Variants in CBLL1 observed in about 807,000 individuals in gnomAD.
CBLL1 encodes the protein E3 ubiquitin-protein ligase Hakai.
CBLL1 carries 4 observed loss-of-function variants against 44.9 expected under a neutral mutation model. The ratio of observed to expected loss-of-function variants is 0.09; its 90% CI spans 0.04 to 0.20. The LOEUF (loss-of-function observed/expected upper bound fraction) is 0.20. CBLL1 is among the 10% of genes least tolerant of loss of function. The probability of loss-of-function intolerance (pLI) is 1.00; values close to 1 mark genes in which losing one functional copy is unlikely to be tolerated. For synonymous variants in CBLL1, 235 were observed against 202.2 expected (o/e 1.16, Z -1.38); for missense variants, 569 against 636.7 (o/e 0.89, Z 1.14).
In CBLL1 at chr7:107,759,620, C is replaced by G; in HGVS notation, c.*442C>G. 1 of 154,470 alleles carries G rather than the reference C, an allele frequency of 6.5e-6. No homozygotes were observed. The highest frequency in any genetic ancestry group is 1.4e-5 in the Non-Finnish European group (1 of 69,202). 9.6% of individuals were successfully genotyped at this position (154,470 alleles called of 1,614,324 possible). Reference sequence around the variant, plus strand: ...ATGTGAATTTAAGTGCAGCCACATACTGTTTTTTAAACCATATGTTTTACC... The same window carrying G: ...ATGTGAATTTAAGTGCAGCCACATAGTGTTTTTTAAACCATATGTTTTACC... On this transcript the variant is annotated 3_prime_UTR_variant, in exon 6 of 6. Coordinates refer to ENST00000440859, the MANE Select transcript of CBLL1 (RefSeq NM_024814.4).
rs201972919 is a variant in CBLL1, at chr7:107,744,997, CCTCA to C, written c.13+826_13+829del. The stretch of plus-strand genomic sequence containing the variant: ...GGCTTTTTCTTGAGTATTGAGTTGT[CCTCA>C]CTCATCAGATATCTACTTGGTTATA... On this transcript the variant is annotated intron_variant, in intron 1 of 5. Coordinates refer to ENST00000440859, the MANE Select transcript of CBLL1 (RefSeq NM_024814.4). 7.2e-3 allele frequency among the ~76,000 whole-genome samples: 1,099 copies of C among 152,212 alleles called. 16 individuals carry two copies. Among genetic ancestry groups the C allele is most frequent in the African/African-American group, 0.024 (997 of 41,516 alleles).
At chr7:107,749,186 G>C in intron 2 of CBLL1, 139 bp downstream of exon 2, 1 of 623,352 alleles carries the variant, frequency 1.6e-6, no homozygotes, top group African/African-American at 1.9e-5. Flanking sequence ...ACTTCTCATT[G>C]TAGCACATTG....
rs1425031222 is a variant in CBLL1 at position 107,749,006 on chromosome 7, C to T, written c.140C>T (p.Thr47Ile). Residue 47 changes from threonine to isoleucine, a missense_variant, in exon 2 of 6, where the codon ACT (threonine) becomes ATT (isoleucine). Around this residue, in one of 5 missense-constraint regions of CBLL1, gnomAD observed 209 missense variants for 202.8 expected, o/e 1.03. Coordinates refer to ENST00000440859, the MANE Select transcript of CBLL1 (RefSeq NM_024814.4). ...AAACCTGCACCGCGAACTCAAAGAA[C>T]TATAAACAGGATGCCTGCAAAGGCT... ...KAKPAPRTQRTINRMPAKAPP... is the reference protein window; with the variant it reads ...KAKPAPRTQRIINRMPAKAPP... 1 of 1,614,088 alleles carries T rather than the reference C, an allele frequency of 6.2e-7. No individual in the cohort carries two copies. The highest frequency in any genetic ancestry group is 1.7e-5 in the Admixed American group (1 of 60,018).
chr7:107,756,110 C>T (rs1326390107), intron 5 of CBLL1, among the ~76,000 whole-genome samples: 4 of 152,070 alleles, frequency 2.6e-5, no homozygotes, highest in Admixed American at 6.6e-5. Flanking sequence ...AAGCTAGGTC[C>T]ATTTTGGGAT....
At chr7:107,744,495 T>G (rs939916793) in intron 1 of CBLL1, 15 of 376,974 alleles carry the variant, frequency 4.0e-5, no homozygotes, top group South Asian at 7.9e-5. Flanking sequence ...GCCCAGCTGC[T>G]CTGGCCTACG....
chr7:107,758,431 T>G lies in CBLL1; in HGVS notation c.729T>G (p.Pro243=), dbSNP rs1793627442. ...PPKQHIMMPP[P]PLQHVPHEHY... is the part of the protein sequence containing the mutation. ...AGCAGCACATCATGATGCCACCACCTCCTTTGCAACATGTGCCACATGAGC... is the reference window on the plus strand; with the variant it reads ...AGCAGCACATCATGATGCCACCACCGCCTTTGCAACATGTGCCACATGAGC... Residue 243 remains proline (P), a synonymous_variant, in exon 6 of 6, where the codon CCT becomes CCG. Transcript: ENST00000440859. This position sits in a 1 kb window ranked among gnomAD's most constrained non-coding sequence, Gnocchi z 4.2. 6.2e-7 allele frequency: 1 copy of G among 1,613,984 alleles called. No homozygotes were observed. The highest frequency in any genetic ancestry group is 1.3e-5 in the African/African-American group (1 of 74,952).
intron 2 of CBLL1, among the ~76,000 whole-genome samples, chr7:107,750,310 A>G (rs539415711): frequency 1.3e-5 from 2 of 151,134 alleles, no homozygotes; most frequent in Non-Finnish European, 3.0e-5. Context: ...ATTGCAGAGA[A>G]TCTTTTTTTT....
chr7:107,759,714 T>A lies in CBLL1; in HGVS notation c.*536T>A, dbSNP rs1014203168. ...TACTAGAATTTGCTGTAAGGCAGAC[T>A]GTTAAATGATAGAGAATTATTTCAC... On this transcript the variant is annotated 3_prime_UTR_variant, in exon 6 of 6. Transcript: ENST00000440859. 6.5e-6 allele frequency: 1 copy of A among 153,072 alleles called. No individual in the cohort carries two copies. The highest frequency in any genetic ancestry group is 1.5e-5 in the Non-Finnish European group (1 of 68,438). The allele number at this position is 153,072 out of a possible 1,614,324, so 9.5% of individuals were successfully genotyped here. A position where few individuals can be genotyped will look rare whatever the true frequency, so the allele number is the denominator to read the frequency against.
In CBLL1 at chr7:107,759,177, GATAAT is replaced by G. The variant is rs762141480; in HGVS notation, c.*1_*5del. ...ACAAGATATAGACCGTATTACCAAT[GATAAT>G]AGTATTTTGAATGGAAGATATGAGG... On this transcript the variant is annotated stop_retained_variant and 3_prime_UTR_variant, in exon 6 of 6. Coordinates refer to ENST00000440859, the MANE Select transcript of CBLL1 (RefSeq NM_024814.4). 2 of 1,585,872 alleles carry G rather than the reference GATAAT, an allele frequency of 1.3e-6. No individual in the cohort carries two copies. The highest frequency in any genetic ancestry group is 2.7e-5 in the African/African-American group (2 of 73,812).
intron 2 of CBLL1, chr7:107,749,424 T>C (rs1175390899): frequency 6.5e-6 from 1 of 154,532 alleles, no homozygotes; most frequent in African/African-American, 2.4e-5. Flanking sequence ...TTTTTTCTTA[T>C]CAGTACTTAC....
rs1250606701 is a variant in CBLL1 at position 107,758,781 on chromosome 7, A to G, written c.1079A>G (p.Gln360Arg). The G allele has an allele frequency of 7.4e-6, 12 of 1,613,416 alleles. No individual in the cohort carries two copies. The highest frequency in any genetic ancestry group is 1.0e-5 in the Non-Finnish European group (12 of 1,179,850). ...PISHPMPHPP[Q>R]AAGTPHLVYS... ...AGCCATCCAATGCCACATCCTCCCC[A>G]GGCTGCAGGTACTCCTCACTTGGTA... Residue 360 changes from glutamine (Q) to arginine (R), a missense_variant, in exon 6 of 6, where the codon CAG becomes CGG. This residue lies in a region of CBLL1 where 228 missense variants were observed against 253.2 expected (regional missense o/e 0.90). Coordinates refer to ENST00000440859, the MANE Select transcript of CBLL1 (RefSeq NM_024814.4). The surrounding 1 kb of genome is among the most constrained non-coding windows in gnomAD (Gnocchi z 4.2).
chr7:107,751,810 T>C (rs1413177745), intron 2 of CBLL1, among the ~76,000 whole-genome samples: 1 of 152,150 alleles, frequency 6.6e-6, no homozygotes, highest in African/African-American at 2.4e-5. Context: ...AAAATATATA[T>C]AGTTTAATGA....
chr7:107,755,006 T>C (rs1793464526), intron 4 of CBLL1, among the ~76,000 whole-genome samples: 1 of 152,008 alleles, frequency 6.6e-6, no homozygotes. Flanking sequence ...CACACCTGTG[T>C]TCCTCGCTAT....
chr7:107,750,721 T>G lies in CBLL1; in HGVS notation c.181+1674T>G, dbSNP rs555994195. 3.3e-5 allele frequency among the ~76,000 whole-genome samples: 5 copies of G among 152,198 alleles called. No homozygotes were observed. The South Asian group carries it at 8.3e-4, about 25-fold the overall frequency. ...AGAGTTTTTCCATCTTACCCTTGAT[T>G]ACAGGTTAGCAAACTATGTCTGTGG... On this transcript the variant is annotated intron_variant, in intron 2 of 5. Coordinates refer to ENST00000440859, the MANE Select transcript of CBLL1 (RefSeq NM_024814.4).
intron 1 of CBLL1, chr7:107,744,383 C>A: frequency 1.8e-6 from 1 of 548,664 alleles, no homozygotes; most frequent in Non-Finnish European, 3.0e-6. Flanking sequence ...CTCCTCCGTG[C>A]CGGCAACAAC....
intron 2 of CBLL1, 116 bp downstream of exon 2, chr7:107,749,163 A>T (rs560713986): frequency 7.2e-6 from 6 of 833,538 alleles, no homozygotes; most frequent in Non-Finnish European, 1.1e-5. Context: ...TCATTCTTCA[A>T]CCTTCTTGTT....
At chr7:107,744,375 C>T in intron 1 of CBLL1, 199 bp downstream of exon 1, 1 of 597,134 alleles carries the variant, frequency 1.7e-6, no homozygotes, top group Non-Finnish European at 2.7e-6. Context: ...GTACCTACCT[C>T]CTCCGTGCCG....
In CBLL1 at chr7:107,760,724, C is replaced by G. The variant is rs150814154; in HGVS notation, c.*1546C>G. The G allele has an allele frequency of 6.6e-6, 1 of 152,242 alleles. No individual in the cohort carries two copies. Among genetic ancestry groups the G allele is most frequent in the Non-Finnish European group, 1.5e-5 (1 of 67,882 alleles). The allele number at this position is 152,242 out of a possible 1,614,324, so 9.4% of individuals were successfully genotyped here. On this transcript the variant is annotated 3_prime_UTR_variant, in exon 6 of 6. Transcript: ENST00000440859. The stretch of plus-strand genomic sequence containing the variant: ...TTGTAGTGTATACATTTAGAACATA[C>G]TTCTTTTGACAAAGGGTGATCTGAT...
At position 107,758,281 on chromosome 7, in the gene CBLL1, T is replaced by C; in HGVS notation, c.579T>C (p.Ala193=). 6.2e-7 allele frequency: 1 copy of C among 1,614,136 alleles called. No individual in the cohort carries two copies. The highest frequency in any genetic ancestry group is 2.2e-5 in the East Asian group (1 of 44,872). The change falls in exon 6 of 6, where the codon GCT becomes GCC. Residue 193 remains alanine, a synonymous_variant. Coordinates refer to ENST00000440859, the MANE Select transcript of CBLL1 (RefSeq NM_024814.4). This position sits in a 1 kb window ranked among gnomAD's most constrained non-coding sequence, Gnocchi z 4.2. Reference sequence around the variant, plus strand: ...ATATCAACCATCGCCATATGAGAGCTGGAAAACCTGTTACCCGTGCTTCAC... The same window carrying C: ...ATATCAACCATCGCCATATGAGAGCCGGAAAACCTGTTACCCGTGCTTCAC... ...QAHINHRHMR[A]GKPVTRASLE...
Sources: gnomAD v4.1 joint callset for allele counts (sites outside exome capture counted in the v4.1 genomes callset) on GRCh38, gnomAD v4.1.1 for gene constraint, gnomAD v4.1.1 regional missense constraint, Gnocchi (gnomAD v3.1) non-coding constraint, MANE v1.5 for transcripts, NCBI Gene and HGNC (gene_info 2026-07-23, HGNC 2026-07-21) for gene names.